PDCD1LG2: variants seen among roughly 807,000 people sequenced by gnomAD.
PDCD1LG2 encodes B7 dendritic cell molecule.
PDCD1LG2 carries 32 observed loss-of-function variants against 28.2 expected under a neutral mutation model. The ratio of observed to expected loss-of-function variants is 1.13; its 90% CI spans 0.86 to 1.52. The LOEUF is 1.52. Among genes scored for constraint, PDCD1LG2 ranks in the 40% most tolerant of loss-of-function variants. The probability of loss-of-function intolerance (pLI) is 0.00; values close to 1 mark genes in which losing one functional copy is unlikely to be tolerated. For synonymous variants in PDCD1LG2, 116 were observed against 120.2 expected (o/e 0.97, Z 0.23); for missense variants, 385 against 323.8 (o/e 1.19, Z -1.45).
chr9:5,526,966 T>C (rs1311179679), intron 2 of PDCD1LG2, among the ~76,000 whole-genome samples: 1 of 152,084 alleles, frequency 6.6e-6, no homozygotes, highest in Non-Finnish European at 1.5e-5. Context: ...TTGAAAAAAA[T>C]GTGTGCCTCC....
intron 3 of PDCD1LG2, among the ~76,000 whole-genome samples, chr9:5,539,870 A>C (rs1479118169): frequency 6.6e-6 from 1 of 152,230 alleles, no homozygotes; most frequent in Non-Finnish European, 1.5e-5. Flanking sequence ...AATGAATTTA[A>C]ACTATGCCCT....
At chr9:5,553,456 T>C (rs770437541) in intron 4 of PDCD1LG2, among the ~76,000 whole-genome samples, 5 of 152,224 alleles carry the variant, frequency 3.3e-5, no homozygotes, top group Non-Finnish European at 7.3e-5. Context: ...TTTGGATGAA[T>C]TGTAGTTTTC....
chr9:5,552,488 A>G (rs1466778480), intron 4 of PDCD1LG2, among the ~76,000 whole-genome samples: 2 of 152,174 alleles, frequency 1.3e-5, no homozygotes, highest in East Asian at 3.8e-4. Context: ...GCCAACCTGC[A>G]GCACTGGGAT....
intron 3 of PDCD1LG2, among the ~76,000 whole-genome samples, chr9:5,544,640 T>A (rs574648764): frequency 6.6e-6 from 1 of 152,098 alleles, no homozygotes; most frequent in Admixed American, 6.5e-5. Flanking sequence ...ACCTTGTGTA[T>A]TGGGTGGTAA....
At chr9:5,529,875 T>A (rs1005443292) in intron 2 of PDCD1LG2, among the ~76,000 whole-genome samples, 1 of 152,206 alleles carries the variant, frequency 6.6e-6, no homozygotes, top group Admixed American at 6.5e-5. Context: ...CTCCATGCAG[T>A]CCTCCTACAC....
chr9:5,531,741 A>C (rs1246418723), intron 2 of PDCD1LG2, among the ~76,000 whole-genome samples: 1 of 152,186 alleles, frequency 6.6e-6, no homozygotes, highest in Non-Finnish European at 1.5e-5. Flanking sequence ...CTCTACCCAA[A>C]GTCATCTATT....
chr9:5,552,595 G>A (rs946797521), intron 4 of PDCD1LG2, among the ~76,000 whole-genome samples: 5 of 152,278 alleles, frequency 3.3e-5, no homozygotes, highest in South Asian at 2.1e-4. Flanking sequence ...CAGTTGGGGT[G>A]AGGCAGACAT....
intron 4 of PDCD1LG2, 113 bp downstream of exon 4, chr9:5,549,717 G>C (rs1816289054): frequency 3.0e-6 from 4 of 1,314,948 alleles, no homozygotes; most frequent in African/African-American, 2.9e-5. Context: ...ACAAAGGTGT[G>C]ATCACCATTT....
chr9:5,543,354 AC>A, intron 3 of PDCD1LG2, among the ~76,000 whole-genome samples: 3 of 152,220 alleles, frequency 2.0e-5, no homozygotes, highest in Middle Eastern at 6.8e-3. Flanking sequence ...CCTGGCTAAC[AC>A]GGTGAAACCC....
rs2129879377 is a variant in PDCD1LG2 at position 5,549,624 on chromosome 9, C to A, written c.631+20C>A. ...TTCAAAGTAAGAGCTGCCCCCACTT[C>A]CTAGGTCTATCAGTTAGGGTTCAGA... On this transcript the variant is annotated intron_variant, in intron 4 of 6. Transcript: ENST00000397747. 1 of 1,613,262 alleles carries A rather than the reference C, an allele frequency of 6.2e-7. No homozygotes were observed. Among genetic ancestry groups the A allele is most frequent in the South Asian group, 1.1e-5 (1 of 91,028 alleles).
intron 1 of PDCD1LG2, among the ~76,000 whole-genome samples, chr9:5,514,772 G>GAAAAAAAAAAAAAAA (rs60002651): frequency 1.6e-5 from 1 of 62,392 alleles, no homozygotes; most frequent in East Asian, 4.8e-4. Flanking sequence ...AGTCTCTAAA[G>GAAAAAAAAAAAAAAA]AAAAAAAAAA....
chr9:5,562,762 C>A (rs142929431), intron 5 of PDCD1LG2, among the ~76,000 whole-genome samples: 1 of 152,334 alleles, frequency 6.6e-6, no homozygotes, highest in East Asian at 1.9e-4. Context: ...GTATCAGTCA[C>A]TTATACCTTA....
At chr9:5,567,213 A>T (rs1022672414) in intron 6 of PDCD1LG2, among the ~76,000 whole-genome samples, 12 of 152,214 alleles carry the variant, frequency 7.9e-5, no homozygotes. Context: ...GACACCTACC[A>T]ATGTCTTAGT....
At chr9:5,560,860 TC>T (rs1283828509) in intron 5 of PDCD1LG2, among the ~76,000 whole-genome samples, 2 of 152,132 alleles carry the variant, frequency 1.3e-5, no homozygotes, top group Admixed American at 6.5e-5. Context: ...CCATAAAAGG[TC>T]CTGCTTACCA....
At chr9:5,552,559 T>C (rs1448301150) in intron 4 of PDCD1LG2, among the ~76,000 whole-genome samples, 2 of 152,096 alleles carry the variant, frequency 1.3e-5, no homozygotes, top group Non-Finnish European at 2.9e-5. Flanking sequence ...GAGTTAGACC[T>C]TGCACAGAAC....
At chr9:5,558,305 C>G (rs892430572) in intron 5 of PDCD1LG2, among the ~76,000 whole-genome samples, 1 of 152,204 alleles carries the variant, frequency 6.6e-6, no homozygotes, top group Non-Finnish European at 1.5e-5. Context: ...TCGAGTTTCT[C>G]CTTAGCCTGT....
chr9:5,537,021 C>A (rs1395321441), intron 3 of PDCD1LG2, among the ~76,000 whole-genome samples: 1 of 152,206 alleles, frequency 6.6e-6, no homozygotes, highest in East Asian at 1.9e-4. Context: ...AACATTGACA[C>A]CTGATGGAAC....
At chr9:5,548,156 C>T (rs895646198) in intron 3 of PDCD1LG2, among the ~76,000 whole-genome samples, 1 of 152,184 alleles carries the variant, frequency 6.6e-6, no homozygotes, top group African/African-American at 2.4e-5. Flanking sequence ...GACTGAGCAA[C>T]ATCTTCCACA....
chr9:5,567,449 C>T (rs1002554789), intron 6 of PDCD1LG2, among the ~76,000 whole-genome samples: 3 of 152,192 alleles, frequency 2.0e-5, no homozygotes, highest in Non-Finnish European at 2.9e-5. Flanking sequence ...CATTCTCCCT[C>T]TTATGCAGAC....
Sources: allele counts gnomAD v4.1 joint callset (sites outside exome capture counted in the v4.1 genomes callset), GRCh38; gene constraint gnomAD v4.1.1; transcripts MANE v1.5; gene names NCBI Gene and HGNC (gene_info 2026-07-23, HGNC 2026-07-21).